LRRC4C: variants seen among roughly 807,000 people sequenced by gnomAD.
The protein encoded by LRRC4C is leucine-rich repeat-containing protein 4C.
LRRC4C carries 5 observed loss-of-function variants against 33.6 expected under a neutral mutation model. The ratio of observed to expected loss-of-function variants is 0.15; its 90% confidence interval spans 0.08 to 0.31. The LOEUF is 0.31. Among genes scored for constraint, LRRC4C ranks in the 10% least tolerant of loss-of-function variants. The pLI is 1.00. For synonymous variants in LRRC4C, 329 were observed against 302.0 expected, an observed-to-expected ratio of 1.09 and a Z score of -0.93; for missense variants, 560 against 796.7, an observed-to-expected ratio of 0.70 and a Z score of 3.58.
chr11:40,847,451 GT>G (rs1490094720), intron 2 of LRRC4C, among the ~76,000 whole-genome samples: 7 of 152,018 alleles, frequency 4.6e-5, no homozygotes. Flanking sequence ...GATTATGTTT[GT>G]TGATCTGCGT....
At chr11:40,892,348 CA>C (rs985558614) in intron 2 of LRRC4C, among the ~76,000 whole-genome samples, 2 of 151,742 alleles carry the variant, frequency 1.3e-5, no homozygotes, top group South Asian at 2.1e-4. Flanking sequence ...GATTAATGGA[CA>C]AAAAAACATG....
intron 3 of LRRC4C, among the ~76,000 whole-genome samples, chr11:40,420,506 T>G (rs895321607): frequency 6.6e-6 from 1 of 152,200 alleles, no homozygotes. Flanking sequence ...TCTATCTCCA[T>G]TTGTTCTAAA....
At chr11:40,493,332 T>C (rs557598136) in intron 3 of LRRC4C, among the ~76,000 whole-genome samples, 1 of 152,268 alleles carries the variant, frequency 6.6e-6, no homozygotes, top group African/African-American at 2.4e-5. Context: ...AATATACCTG[T>C]GTAATCTACA....
intron 2 of LRRC4C, among the ~76,000 whole-genome samples, chr11:40,777,957 G>C (rs985134879): frequency 1.3e-5 from 2 of 152,040 alleles, no homozygotes; most frequent in Admixed American, 1.3e-4. Flanking sequence ...CAAAGTGCTG[G>C]GATTACAGGC....
intron 1 of LRRC4C, among the ~76,000 whole-genome samples, chr11:41,233,685 T>C (rs1337614154): frequency 6.6e-6 from 1 of 152,052 alleles, no homozygotes; most frequent in Non-Finnish European, 1.5e-5. Context: ...GCAAATATGA[T>C]AAACTAAACA....
intron 3 of LRRC4C, among the ~76,000 whole-genome samples, chr11:40,443,672 G>T (rs536051639): frequency 6.6e-6 from 1 of 152,254 alleles, no homozygotes; most frequent in Admixed American, 6.5e-5. Flanking sequence ...AATTTGATTG[G>T]AGTGTTACCA....
At chr11:40,826,423 G>A (rs1952172419) in intron 2 of LRRC4C, among the ~76,000 whole-genome samples, 1 of 151,996 alleles carries the variant, frequency 6.6e-6, no homozygotes, top group Non-Finnish European at 1.5e-5. Context: ...GAGGCAGGAA[G>A]AGAATAAGCA....
In LRRC4C at chr11:41,023,484, A is replaced by T. The variant is rs146907958; in HGVS notation, c.-495-89761T>A. On this transcript the variant is annotated intron_variant, in intron 1 of 6. Transcript: ENST00000528697. ...AGTTGAAAAATGAAATAAAGCTCTAACAATTAAATGACATATGCTGGAAAA... is the reference window on the plus strand; with the variant it reads ...AGTTGAAAAATGAAATAAAGCTCTATCAATTAAATGACATATGCTGGAAAA... 4.1e-3 allele frequency among the ~76,000 whole-genome samples: 620 copies of T among 151,930 alleles called. 4 individuals are homozygous for T. Among genetic ancestry groups the T allele is most frequent in the African/African-American group, 0.014 (590 of 41,518 alleles).
chr11:41,308,961 C>T (rs1420038977), intron 1 of LRRC4C, among the ~76,000 whole-genome samples: 3 of 152,082 alleles, frequency 2.0e-5, no homozygotes, highest in Admixed American at 6.5e-5. Context: ...TGCGTCAACA[C>T]GCCCGGCTAA....
At chr11:41,019,524 G>C (rs1855814124) in intron 1 of LRRC4C, among the ~76,000 whole-genome samples, 1 of 152,000 alleles carries the variant, frequency 6.6e-6, no homozygotes, top group Non-Finnish European at 1.5e-5. Context: ...ATATTCCTTT[G>C]GGTATGTATC....
intron 2 of LRRC4C, among the ~76,000 whole-genome samples, chr11:40,722,317 C>T (rs1947058808): frequency 6.6e-6 from 1 of 152,160 alleles, no homozygotes; most frequent in African/African-American, 2.4e-5. Context: ...AGCACGGCTG[C>T]ACATGCACTG....
chr11:40,815,244 G>A (rs1479515032), intron 2 of LRRC4C, among the ~76,000 whole-genome samples: 1 of 152,100 alleles, frequency 6.6e-6, no homozygotes, highest in Admixed American at 6.5e-5. Flanking sequence ...CATGTGTAGG[G>A]GACCTCCCTT....
At chr11:41,167,908 T>C (rs1944801666) in intron 1 of LRRC4C, among the ~76,000 whole-genome samples, 1 of 152,212 alleles carries the variant, frequency 6.6e-6, no homozygotes, top group Non-Finnish European at 1.5e-5. Flanking sequence ...GGAGATTATT[T>C]CTCAGCTATG....
At chr11:40,765,445 T>C (rs1353774423) in intron 2 of LRRC4C, among the ~76,000 whole-genome samples, 1 of 152,174 alleles carries the variant, frequency 6.6e-6, no homozygotes, top group Non-Finnish European at 1.5e-5. Context: ...CTTTTCTTTA[T>C]AAATTATGCA....
At chr11:40,759,881 T>C (rs1451747054) in intron 2 of LRRC4C, among the ~76,000 whole-genome samples, 2 of 150,046 alleles carry the variant, frequency 1.3e-5, no homozygotes, top group Non-Finnish European at 3.0e-5. Flanking sequence ...AAAACCTATA[T>C]GCACTGAGAG....
At chr11:40,136,433 C>CTTTT (rs566193838) in intron 6 of LRRC4C, among the ~76,000 whole-genome samples, 1 of 137,986 alleles carries the variant, frequency 7.2e-6, no homozygotes, top group South Asian at 2.4e-4. Context: ...TGCCCGGCTA[C>CTTTT]TTTTTTTTTT....
intron 1 of LRRC4C, among the ~76,000 whole-genome samples, chr11:40,993,034 T>C (rs1689911861): frequency 6.6e-6 from 1 of 152,280 alleles, no homozygotes; most frequent in Non-Finnish European, 1.5e-5. Flanking sequence ...TGAATGAAAT[T>C]TAACACACTT....
chr11:40,844,238 T>TAA (rs58820785), intron 2 of LRRC4C, among the ~76,000 whole-genome samples: 69 of 141,408 alleles, frequency 4.9e-4, no homozygotes, highest in African/African-American at 1.5e-3. Context: ...TAAAGTATAA[T>TAA]AAAAAAAAAA....
At chr11:40,975,127 T>C (rs1851992518) in intron 1 of LRRC4C, among the ~76,000 whole-genome samples, 1 of 152,230 alleles carries the variant, frequency 6.6e-6, no homozygotes, top group Non-Finnish European at 1.5e-5. Context: ...TACTTTTATC[T>C]ATGTATCCAT....
Sources: allele counts gnomAD v4.1 joint callset (sites outside exome capture counted in the v4.1 genomes callset), GRCh38; gene constraint gnomAD v4.1.1; transcripts MANE v1.5; gene names NCBI Gene and HGNC (gene_info 2026-07-23, HGNC 2026-07-21).